ATP2B4: variants seen among roughly 807,000 people sequenced by gnomAD.
ATP2B4 encodes ATPase plasma membrane Ca2+ transporting 4.
In ATP2B4, 39 loss-of-function variants were observed where a neutral mutation model predicts 110.3. The ratio of observed to expected loss-of-function variants is 0.35; its 90% CI spans 0.27 to 0.46. The LOEUF (loss-of-function observed/expected upper bound fraction) is 0.46, where lower values mean the gene tolerates loss of function less well. Among genes scored for constraint, ATP2B4 ranks in the 20% least tolerant of loss-of-function variants. The pLI, the probability that ATP2B4 is intolerant of heterozygous loss-of-function variation, is 1.00. For synonymous variants in ATP2B4, 538 were observed against 571.7 expected (o/e 0.94, Z 0.84); for missense variants, 1,135 against 1,530.9 (o/e 0.74, Z 4.32).
At chr1:203,660,081 CAA>C (rs1220626290) in intron 1 of ATP2B4, among the ~76,000 whole-genome samples, 19 of 145,018 alleles carry the variant, frequency 1.3e-4, no homozygotes, top group Non-Finnish European at 1.6e-4. Flanking sequence ...GACTCCATCT[CAA>C]AAAAAAAAAA....
intron 1 of ATP2B4, among the ~76,000 whole-genome samples, chr1:203,638,352 G>T (rs553392280): frequency 1.1e-4 from 16 of 152,286 alleles, no homozygotes; most frequent in Non-Finnish European, 1.5e-4. Flanking sequence ...GGACCATTAG[G>T]ATGATTTTTT....
chr1:203,657,795 G>A (rs749812079), intron 1 of ATP2B4: 9 of 582,432 alleles, frequency 1.5e-5, no homozygotes, highest in East Asian at 3.1e-5. Flanking sequence ...AGTAGCCCCT[G>A]AGGTGCGAAA....
chr1:203,651,145 A>G (rs1383570151), intron 1 of ATP2B4, among the ~76,000 whole-genome samples: 2 of 152,180 alleles, frequency 1.3e-5, no homozygotes, highest in Non-Finnish European at 2.9e-5. Flanking sequence ...AAGAGTCTTG[A>G]TATTTTTAGA....
intron 1 of ATP2B4, chr1:203,656,943 C>T: frequency 1.5e-6 from 1 of 676,500 alleles, no homozygotes; most frequent in Non-Finnish European, 2.7e-6. Context: ...GTGTAGTCCC[C>T]AATAATTATA....
chr1:203,711,083 G>A lies in ATP2B4; in HGVS notation c.2006G>A (p.Gly669Asp). 6.2e-7 allele frequency: 1 copy of A among 1,614,088 alleles called. No individual in the cohort carries two copies. The highest frequency in any genetic ancestry group is 8.5e-7 in the Non-Finnish European group (1 of 1,180,018). ...LTELTCIAVV[G>D]IEDPVRPEVP... Reference sequence around the variant, plus strand: ...GAACTGACCTGTATCGCGGTGGTGGGCATTGAGGACCCTGTGCGCCCAGAG... The same window carrying A: ...GAACTGACCTGTATCGCGGTGGTGGACATTGAGGACCCTGTGCGCCCAGAG... The change falls in exon 12 of 21, where the codon GGC becomes GAC. Residue 669 changes from glycine to aspartate, a missense_variant. Gly to Asp is a moderately conservative substitution (Grantham distance 94, BLOSUM62 -1). This residue lies in a region of ATP2B4 where 368 missense variants were observed against 455.9 expected (regional missense o/e 0.81). Transcript: ENST00000357681.
chr1:203,657,578 A>C, intron 1 of ATP2B4: 2 of 943,828 alleles, frequency 2.1e-6, no homozygotes, highest in Non-Finnish European at 3.5e-6. Context: ...GTATTTTCTC[A>C]GCATGACACT....
At chr1:203,657,130 G>A (rs1664186325) in intron 1 of ATP2B4, 2 of 831,386 alleles carry the variant, frequency 2.4e-6, no homozygotes, top group East Asian at 2.4e-5. Context: ...AGTTGTATAC[G>A]GTGGGGATGA....
At chr1:203,684,091 T>A (rs867248676) in intron 2 of ATP2B4, among the ~76,000 whole-genome samples, 1 of 152,142 alleles carries the variant, frequency 6.6e-6, no homozygotes, top group South Asian at 2.1e-4. Context: ...CTTCTATATG[T>A]CTGATTATAA....
intron 1 of ATP2B4, among the ~76,000 whole-genome samples, chr1:203,652,370 T>C (rs1431788411): frequency 2.0e-5 from 3 of 152,072 alleles, no homozygotes; most frequent in Non-Finnish European, 2.9e-5. Context: ...AGTCTTGAAC[T>C]CCTGACCTCA....
intron 20 of ATP2B4, among the ~76,000 whole-genome samples, chr1:203,731,134 G>A (rs1354524452): frequency 1.3e-5 from 2 of 152,162 alleles, no homozygotes; most frequent in African/African-American, 2.4e-5. Context: ...TGGAACCCCC[G>A]CACCCACCCC....
At position 203,707,256 on chromosome 1, in the gene ATP2B4, G is replaced by A. The variant is rs963304861; in HGVS notation, c.1314+33G>A. On this transcript the variant is annotated intron_variant, in intron 9 of 20. Coordinates refer to ENST00000357681, the MANE Select transcript of ATP2B4 (RefSeq NM_001684.5). Reference sequence around the variant, plus strand: ...TAGAACAATCCTATCTCTTCCTTTAGGATAGAGATGGGAGAGAAGGGTACC... The same window carrying A: ...TAGAACAATCCTATCTCTTCCTTTAAGATAGAGATGGGAGAGAAGGGTACC... The A allele has an allele frequency of 4.5e-6, 7 of 1,567,662 alleles. No homozygotes were observed. The African/African-American group carries it at 9.5e-5, about 21-fold the overall frequency.
intron 8 of ATP2B4, among the ~76,000 whole-genome samples, chr1:203,705,667 T>C (rs762465316): frequency 6.6e-6 from 1 of 152,230 alleles, no homozygotes; most frequent in Non-Finnish European, 1.5e-5. Context: ...TCTGCCGGCC[T>C]CAGCCTCCCA....
intron 10 of ATP2B4, among the ~76,000 whole-genome samples, chr1:203,708,700 A>T (rs1665919148): frequency 6.6e-6 from 1 of 152,076 alleles, no homozygotes; most frequent in South Asian, 2.1e-4. Context: ...CTACAAAAAT[A>T]AACAAAATTA....
At position 203,689,690 on chromosome 1, in the gene ATP2B4, C is replaced by T. The variant is rs992480160; in HGVS notation, c.193+6292C>T. Among the ~76,000 whole-genome samples the T allele has an allele frequency of 2.6e-5, 4 of 152,228 alleles. No individual in the cohort carries two copies. In the South Asian group the frequency reaches 6.2e-4, roughly 24 times the overall value. On this transcript the variant is annotated intron_variant, in intron 2 of 20. Transcript: ENST00000357681. ...ACTAATACTTAAAAACTGCTAGGTG[C>T]TAGGGACACAAGGGTGAACATGACA...
At chr1:203,633,897 A>G (rs969481248) in intron 1 of ATP2B4, among the ~76,000 whole-genome samples, 1 of 152,068 alleles carries the variant, frequency 6.6e-6, no homozygotes, top group Non-Finnish European at 1.5e-5. Flanking sequence ...CTAAAAATAC[A>G]AAATTAGCCG....
intron 20 of ATP2B4, among the ~76,000 whole-genome samples, chr1:203,728,538 A>C (rs547201653): frequency 6.6e-6 from 1 of 152,286 alleles, no homozygotes; most frequent in South Asian, 2.1e-4. Flanking sequence ...TCACTGTCTA[A>C]AACTGGCCTT....
chr1:203,726,258 G>A (rs942228836), intron 19 of ATP2B4, among the ~76,000 whole-genome samples: 4 of 151,748 alleles, frequency 2.6e-5, no homozygotes, highest in African/African-American at 9.7e-5. Flanking sequence ...TAAAGAGATT[G>A]GGGTCTCACT....
In ATP2B4 at chr1:203,664,811, A is replaced by C. The variant is rs150906888; in HGVS notation, c.-464-17931A>C. 2.7e-3 allele frequency among the ~76,000 whole-genome samples: 418 copies of C among 152,280 alleles called. 1 individual carries two copies. The highest frequency in any genetic ancestry group is 5.1e-3 in the Admixed American group (78 of 15,296). On this transcript the variant is annotated intron_variant, in intron 1 of 20. Coordinates refer to ENST00000357681, the MANE Select transcript of ATP2B4 (RefSeq NM_001684.5). ...AGGTTGACAGTTAACTGCACCTGCTAGTCCTTAAGGTACTTTTATTTTATT... is the reference window on the plus strand; with the variant it reads ...AGGTTGACAGTTAACTGCACCTGCTCGTCCTTAAGGTACTTTTATTTTATT...
intron 1 of ATP2B4, among the ~76,000 whole-genome samples, chr1:203,656,533 AT>A (rs1664168864): frequency 6.6e-6 from 1 of 152,252 alleles, no homozygotes; most frequent in East Asian, 1.9e-4. Context: ...GTCTTCTCAC[AT>A]ACTTTTAGTG....
Sources: allele counts gnomAD v4.1 joint callset (sites outside exome capture counted in the v4.1 genomes callset), GRCh38; gene constraint gnomAD v4.1.1; regional missense constraint gnomAD v4.1.1; transcripts MANE v1.5; gene names NCBI Gene and HGNC (gene_info 2026-07-23, HGNC 2026-07-21).